The following ATP6V0A4 variants were observed in gnomAD, a reference collection of about 807,000 sequenced individuals.
The protein encoded by ATP6V0A4 is ATPase H+ transporting V0 subunit a4.
A neutral mutation model predicts 107.3 loss-of-function variants in ATP6V0A4; 86 were observed. That is an observed-to-expected ratio of 0.80 (90% CI 0.67 to 0.96). ATP6V0A4 has a LOEUF of 0.96. Among genes scored for constraint, ATP6V0A4 ranks in the 40% least tolerant of loss-of-function variants. The pLI, the probability that ATP6V0A4 is intolerant of heterozygous loss-of-function variation, is 0.00. For synonymous variants in ATP6V0A4, 353 were observed against 381.4 expected, an observed-to-expected ratio of 0.93 and a Z score of 0.87; for missense variants, 908 against 1,045.6, an observed-to-expected ratio of 0.87 and a Z score of 1.81.
intron 14 of ATP6V0A4, among the ~76,000 whole-genome samples, chr7:138,744,341 A>T (rs572507236): frequency 4.5e-4 from 67 of 149,396 alleles, no homozygotes; most frequent in African/African-American, 1.6e-3. Context: ...GGATTCAAGC[A>T]GTTCTCGTGC....
At chr7:138,713,522 G>T (rs748105329) in intron 20 of ATP6V0A4, among the ~76,000 whole-genome samples, 7 of 152,094 alleles carry the variant, frequency 4.6e-5, no homozygotes, top group Non-Finnish European at 5.9e-5. Flanking sequence ...TCAGTGCCAG[G>T]AATGCTAAGA....
intron 20 of ATP6V0A4, among the ~76,000 whole-genome samples, chr7:138,711,608 C>G (rs1192858267): frequency 2.0e-5 from 3 of 152,200 alleles, no homozygotes; most frequent in African/African-American, 4.8e-5. Flanking sequence ...TTGCTGCCCC[C>G]CAAGATCTGG....
chr7:138,713,253 C>T (rs1803842099), intron 20 of ATP6V0A4, among the ~76,000 whole-genome samples: 1 of 143,268 alleles, frequency 7.0e-6, no homozygotes, highest in African/African-American at 2.6e-5. Context: ...TGCAGTGAGC[C>T]GAGATCACGC....
chr7:138,706,487 AAAT>A lies in ATP6V0A4; in HGVS notation c.*134_*136del. 1 of 1,104,448 alleles carries A rather than the reference AAAT, an allele frequency of 9.1e-7. No individual in the cohort carries two copies. The highest frequency in any genetic ancestry group is 1.3e-6 in the Non-Finnish European group (1 of 754,676). The allele number at this position is 1,104,448 out of a possible 1,614,324, so 68.4% of individuals were successfully genotyped here. On this transcript the variant is annotated 3_prime_UTR_variant, in exon 22 of 22. Coordinates refer to ENST00000310018, the MANE Select transcript of ATP6V0A4 (RefSeq NM_020632.3). ...GTATCAAATCCACAGGCTGACGTCC[AAAT>A]AATACACAGTTTCATGCTTCAGGTG...
chr7:138,723,931 A>G (rs138396378), intron 18 of ATP6V0A4, among the ~76,000 whole-genome samples: 11 of 151,764 alleles, frequency 7.2e-5, no homozygotes, highest in African/African-American at 2.7e-4. Context: ...TAAAAGTTAT[A>G]CATCAAGCCA....
At chr7:138,717,351 TC>T (rs1679708572) in intron 19 of ATP6V0A4, among the ~76,000 whole-genome samples, 1 of 151,222 alleles carries the variant, frequency 6.6e-6, no homozygotes, top group African/African-American at 2.4e-5. Flanking sequence ...ATCGAGACCA[TC>T]CTGGCGAACA....
intron 10 of ATP6V0A4, among the ~76,000 whole-genome samples, chr7:138,753,569 G>A (rs1352667704): frequency 1.3e-5 from 2 of 152,126 alleles, no homozygotes; most frequent in Admixed American, 1.3e-4. Flanking sequence ...ATGAATGAAG[G>A]AATGAATGGA....
rs140896827 is a variant in ATP6V0A4 at position 138,747,556 on chromosome 7, T to C, written c.1189A>G (p.Thr397Ala). ...SYREINPAPY[T>A]IITFPFLFAV... ...AACAGGAAGGGGAAAGTGATGATGG[T>C]GTAGGGGGCTGCGGAGGGGAGACAC... Residue 397 changes from threonine to alanine, a missense_variant, in exon 13 of 22, where the codon ACC (threonine) becomes GCC (alanine). Thr to Ala is a moderately conservative substitution (Grantham distance 58, BLOSUM62 0). Transcript: ENST00000310018. 7.2e-5 allele frequency: 116 copies of C among 1,613,888 alleles called. 2 individuals carry two copies. The highest frequency in any genetic ancestry group is 9.7e-5 in the Non-Finnish European group (114 of 1,180,014).
intron 10 of ATP6V0A4, among the ~76,000 whole-genome samples, chr7:138,754,891 G>T (rs548414022): frequency 3.3e-5 from 5 of 152,126 alleles, no homozygotes; most frequent in Non-Finnish European, 7.4e-5. Flanking sequence ...GCTTCCCAAA[G>T]TGCTGGGATT....
At chr7:138,735,616 C>T (rs1260711998) in intron 15 of ATP6V0A4, among the ~76,000 whole-genome samples, 3 of 152,174 alleles carry the variant, frequency 2.0e-5, no homozygotes, top group Non-Finnish European at 4.4e-5. Flanking sequence ...GGAGAAGGGA[C>T]TTCAATAACA....
chr7:138,738,037 C>T (rs990155402), intron 15 of ATP6V0A4, among the ~76,000 whole-genome samples: 13 of 148,758 alleles, frequency 8.7e-5, no homozygotes, highest in Admixed American at 2.7e-4. Context: ...GCTGGGATTA[C>T]AGGCATGAGC....
intron 11 of ATP6V0A4, among the ~76,000 whole-genome samples, chr7:138,751,422 C>T (rs112462218): frequency 0.012 from 1,813 of 152,052 alleles, 43 homozygotes; most frequent in African/African-American, 0.041. Context: ...ATGTGTTCGG[C>T]CATCTTGTAC....
At chr7:138,791,300 A>G (rs1365345301) in intron 1 of ATP6V0A4, among the ~76,000 whole-genome samples, 2 of 152,228 alleles carry the variant, frequency 1.3e-5, no homozygotes, top group Admixed American at 1.3e-4. Context: ...AGTAAAACAC[A>G]GGAAAACAAA....
At chr7:138,742,858 T>A (rs1382249119) in intron 14 of ATP6V0A4, among the ~76,000 whole-genome samples, 1 of 149,318 alleles carries the variant, frequency 6.7e-6, no homozygotes, top group Non-Finnish European at 1.5e-5. Flanking sequence ...TTTATGAAAG[T>A]TTTGTTCTTT....
intron 11 of ATP6V0A4, among the ~76,000 whole-genome samples, chr7:138,752,384 A>T (rs1806277367): frequency 6.6e-6 from 1 of 151,580 alleles, no homozygotes; most frequent in South Asian, 2.1e-4. Context: ...TTTTTTTTAA[A>T]AAAACCTCAA....
intron 21 of ATP6V0A4, among the ~76,000 whole-genome samples, chr7:138,708,144 C>T (rs532668802): frequency 1.8e-4 from 27 of 151,882 alleles, no homozygotes; most frequent in African/African-American, 5.8e-4. Flanking sequence ...CTCCACCTCC[C>T]GGGTTCCAGC....
At chr7:138,754,700 G>A (rs1247431542) in intron 10 of ATP6V0A4, among the ~76,000 whole-genome samples, 1 of 151,940 alleles carries the variant, frequency 6.6e-6, no homozygotes, top group African/African-American at 2.4e-5. Flanking sequence ...TCGGCTCCCT[G>A]AAACCTTTGC....
intron 19 of ATP6V0A4, among the ~76,000 whole-genome samples, chr7:138,718,201 G>T (rs1584893223): frequency 4.4e-5 from 2 of 45,538 alleles, no homozygotes; most frequent in African/African-American, 2.8e-4. Context: ...GGAAGGAATG[G>T]GTGTGTGTGT....
chr7:138,769,315 T>TC (rs1015532565), intron 3 of ATP6V0A4, 64 bp from the exon 4 acceptor site: 101 of 1,245,866 alleles, frequency 8.1e-5, no homozygotes, highest in South Asian at 5.9e-4. Context: ...TTTCTTTCTT[T>TC]TTTTTTTTTT....
Sources: allele counts gnomAD v4.1 joint callset (sites outside exome capture counted in the v4.1 genomes callset), GRCh38; gene constraint gnomAD v4.1.1; transcripts MANE v1.5; gene names NCBI Gene and HGNC (gene_info 2026-07-23, HGNC 2026-07-21).